DAB1: variants seen among roughly 807,000 people sequenced by gnomAD.
DAB1 encodes the protein disabled homolog 1.
DAB1 carries 15 observed loss-of-function variants against 64.6 expected under a neutral mutation model. That is an observed-to-expected ratio of 0.23 (90% confidence interval 0.16 to 0.36). The LOEUF is 0.36. Ranked by LOEUF, DAB1 falls within the 10% of genes least tolerant of loss-of-function variation. The pLI is 1.00. For synonymous variants in DAB1, 235 were observed against 251.9 expected (o/e 0.93, Z 0.64); for missense variants, 596 against 706.7 (o/e 0.84, Z 1.78).
At chr1:57,648,648 C>T (rs1646221849) in intron 7 of DAB1, among the ~76,000 whole-genome samples, 1 of 152,214 alleles carries the variant, frequency 6.6e-6, no homozygotes, top group Non-Finnish European at 1.5e-5. Flanking sequence ...GGTCCCATAA[C>T]AAATAGCTCC....
chr1:57,630,945 C>A (rs1195245841), intron 7 of DAB1, among the ~76,000 whole-genome samples: 2 of 152,104 alleles, frequency 1.3e-5, no homozygotes, highest in African/African-American at 2.4e-5. Context: ...ATATTATGGT[C>A]CTGCAAAGCT....
chr1:58,193,105 G>C (rs945841390), intron 4 of DAB1, among the ~76,000 whole-genome samples: 7 of 152,162 alleles, frequency 4.6e-5, no homozygotes, highest in Admixed American at 3.3e-4. Flanking sequence ...TTGGAGGCGG[G>C]GCTTAATGGG....
rs71051215 is a variant in DAB1 at position 57,053,666 on chromosome 1, G to GTATATA, written c.723+9212_723+9217dup. 4.1e-3 allele frequency among the ~76,000 whole-genome samples: 403 copies of GTATATA among 99,106 alleles called. 6 individuals carry two copies. Among genetic ancestry groups the GTATATA allele is most frequent in the African/African-American group, 0.014 (314 of 23,134 alleles). The allele number at this position is 99,106 out of a possible 152,430, so 65.0% of individuals were successfully genotyped here. The stretch of plus-strand genomic sequence containing the variant: ...AATCTCTCTCTCTCTCTCTCTATAT[G>GTATATA]TATATATATATATATATATATATTT... On this transcript the variant is annotated intron_variant, in intron 9 of 14. Transcript: ENST00000371236.
chr1:58,107,088 A>G (rs1265389470), intron 5 of DAB1, among the ~76,000 whole-genome samples: 2 of 151,952 alleles, frequency 1.3e-5, no homozygotes, highest in African/African-American at 4.8e-5. Context: ...GCTAGTAAAA[A>G]AAAACCCAGA....
chr1:58,462,970 G>T (rs1021253041), intron 3 of DAB1, among the ~76,000 whole-genome samples: 1 of 152,132 alleles, frequency 6.6e-6, no homozygotes, highest in Non-Finnish European at 1.5e-5. Context: ...GGTAGTTTAT[G>T]TACTATTTAT....
Position 57,598,852 on chromosome 1 carries a change from G to A in DAB1, n.625+50740C>T, listed in dbSNP as rs139591321. ...TCCAGGGGCTCAGCAGCCTTTAGGA[G>A]CTGATATGATCGAAGGTCAGCTTCA... On this transcript the variant is annotated intron_variant and non_coding_transcript_variant, in intron 7 of 20. Transcript: ENST00000485760. Among the ~76,000 whole-genome samples, 413 of 152,304 alleles carry A rather than the reference G, an allele frequency of 2.7e-3. 3 individuals are homozygous for A. Among genetic ancestry groups the A allele is most frequent in the Non-Finnish European group, 4.0e-3 (273 of 68,030 alleles).
At chr1:58,449,701 C>T (rs950944907) in intron 3 of DAB1, among the ~76,000 whole-genome samples, 2 of 151,944 alleles carry the variant, frequency 1.3e-5, no homozygotes, top group Non-Finnish European at 2.9e-5. Flanking sequence ...AAATGCTTGC[C>T]TACCCCACGT....
rs78390380 is a variant in DAB1 at position 57,219,095 on chromosome 1, C to A, written c.67+71869G>T. ...CTCTGTTTCTAAAGTAGATTGGGAG[C>A]CAATACCTTAGTAGTTATACAGTTT... On this transcript the variant is annotated intron_variant, in intron 2 of 14. Coordinates refer to ENST00000371236, the MANE Select transcript of DAB1 (RefSeq NM_001365792.1). Among the ~76,000 whole-genome samples, 909 of 152,084 alleles carry A rather than the reference C, an allele frequency of 6.0e-3. 19 individuals are homozygous for A. The highest frequency in any genetic ancestry group is 0.021 in the African/African-American group (864 of 41,478).
chr1:58,233,286 A>G (rs1659863534), intron 4 of DAB1, among the ~76,000 whole-genome samples: 1 of 152,230 alleles, frequency 6.6e-6, no homozygotes, highest in Admixed American at 6.5e-5. Flanking sequence ...TTCAATCTCC[A>G]TAACAACTTG....
chr1:58,339,774 C>T (rs1663207552), intron 4 of DAB1, among the ~76,000 whole-genome samples: 1 of 152,088 alleles, frequency 6.6e-6, no homozygotes, highest in Admixed American at 6.6e-5. Flanking sequence ...AGATAATTTT[C>T]CAAACAGAAA....
At chr1:57,813,734 T>C (rs971643260) in intron 6 of DAB1, among the ~76,000 whole-genome samples, 3 of 152,194 alleles carry the variant, frequency 2.0e-5, no homozygotes, top group African/African-American at 7.2e-5. Flanking sequence ...AAGACTACAG[T>C]TTCTTTCCAC....
At chr1:58,362,740 C>T (rs11806391) in intron 3 of DAB1, among the ~76,000 whole-genome samples, 131 of 152,314 alleles carry the variant, frequency 8.6e-4, no homozygotes, top group Middle Eastern at 3.4e-3. Context: ...GAGGAAAGCA[C>T]ATTAGATCTA....
rs1034752357 is a variant in DAB1 at position 56,996,797 on chromosome 1, T to C, written c.*1347A>G. Reference sequence around the variant, plus strand: ...GAAAGTGAGCCCCATCCATCAAGTTTGTCACACCTTGCACTCAATCTGCTA... The same window carrying C: ...GAAAGTGAGCCCCATCCATCAAGTTCGTCACACCTTGCACTCAATCTGCTA... On this transcript the variant is annotated 3_prime_UTR_variant, in exon 15 of 15. Transcript: ENST00000371236. 4.6e-5 allele frequency: 7 copies of C among 152,354 alleles called. No homozygotes were observed. The highest frequency in any genetic ancestry group is 3.4e-3 in the Middle Eastern group (1 of 294). The allele number at this position is 152,354 out of a possible 1,614,324, so 9.4% of individuals were successfully genotyped here. A position where few individuals can be genotyped will look rare whatever the true frequency, so the allele number is the denominator to read the frequency against.
chr1:58,434,011 T>C (rs1245441939), intron 3 of DAB1, among the ~76,000 whole-genome samples: 1 of 151,432 alleles, frequency 6.6e-6, no homozygotes, highest in African/African-American at 2.4e-5. Flanking sequence ...GCCAATGAGG[T>C]AGAAGTAGAG....
chr1:58,079,623 G>A (rs1649871450), intron 5 of DAB1, among the ~76,000 whole-genome samples: 1 of 139,828 alleles, frequency 7.2e-6, no homozygotes, highest in South Asian at 2.4e-4. Flanking sequence ...CCCGGTTCAA[G>A]CAATTCTCTG....
intron 5 of DAB1, among the ~76,000 whole-genome samples, chr1:58,098,779 A>G (rs932873208): frequency 2.6e-5 from 4 of 152,218 alleles, no homozygotes; most frequent in Non-Finnish European, 4.4e-5. Context: ...GTGGCAATCT[A>G]TAAGTCAAGG....
intron 6 of DAB1, among the ~76,000 whole-genome samples, chr1:57,706,871 G>A (rs184193618): frequency 4.6e-5 from 7 of 152,104 alleles, no homozygotes; most frequent in South Asian, 2.1e-4. Context: ...TCAGGAGTTC[G>A]AGACCAGACT....
At chr1:57,548,607 A>G (rs376340105) in intron 7 of DAB1, among the ~76,000 whole-genome samples, 1 of 152,232 alleles carries the variant, frequency 6.6e-6, no homozygotes. Context: ...TTATGTGATG[A>G]GGACTTAACA....
intron 4 of DAB1, among the ~76,000 whole-genome samples, chr1:58,268,548 TA>T (rs781385020): frequency 5.3e-5 from 8 of 152,138 alleles, no homozygotes; most frequent in African/African-American, 9.7e-5. Context: ...CAAGAGGACA[TA>T]GGGGTGAATG....
Sources: gnomAD v4.1 joint callset for allele counts (sites outside exome capture counted in the v4.1 genomes callset) on GRCh38, gnomAD v4.1.1 for gene constraint, MANE v1.5 for transcripts, NCBI Gene and HGNC (gene_info 2026-07-23, HGNC 2026-07-21) for gene names.